HPSE2: variants seen among roughly 807,000 people sequenced by gnomAD.
HPSE2 encodes the protein inactive heparanase-2.
A neutral mutation model predicts 60.5 loss-of-function variants in HPSE2; 38 were observed. That is an observed-to-expected ratio of 0.63 (90% CI 0.48 to 0.82). HPSE2 has a LOEUF of 0.82. HPSE2 is among the 40% of genes least tolerant of loss of function. The probability of loss-of-function intolerance (pLI) is 0.00; values close to 1 mark genes in which losing one functional copy is unlikely to be tolerated. For missense variants in HPSE2, 713 were observed against 740.4 expected, an observed-to-expected ratio of 0.96 and a Z score of 0.43; for synonymous variants, 295 against 293.2, an observed-to-expected ratio of 1.01 and a Z score of -0.06.
At chr10:98,683,171 G>A (rs1947827950) in intron 6 of HPSE2, among the ~76,000 whole-genome samples, 2 of 152,130 alleles carry the variant, frequency 1.3e-5, no homozygotes, top group South Asian at 4.1e-4. Flanking sequence ...ACTGTTACTA[G>A]TTAAAAAGAA....
intron 3 of HPSE2, among the ~76,000 whole-genome samples, chr10:99,045,074 T>C (rs186966997): frequency 4.4e-4 from 67 of 152,294 alleles, no homozygotes; most frequent in African/African-American, 1.6e-3. Context: ...TCTTCCCATA[T>C]GCACACAGAA....
At chr10:98,906,357 T>C (rs1161071633) in intron 3 of HPSE2, among the ~76,000 whole-genome samples, 3 of 152,176 alleles carry the variant, frequency 2.0e-5, no homozygotes, top group African/African-American at 7.2e-5. Context: ...GAAACCATGA[T>C]ATTAGGAACA....
At position 98,935,683 on chromosome 10, in the gene HPSE2, C is replaced by A. The variant is rs956374507; in HGVS notation, c.611-191627G>T. On this transcript the variant is annotated intron_variant, in intron 3 of 11. Coordinates refer to ENST00000370552, the MANE Select transcript of HPSE2 (RefSeq NM_021828.5). Reference sequence around the variant, plus strand: ...AAGCTTCATCCCAGAGGGGCACTGACCTGATGCCAGCTGGAGCTCTCCTAT... The same window carrying A: ...AAGCTTCATCCCAGAGGGGCACTGAACTGATGCCAGCTGGAGCTCTCCTAT... Among the ~76,000 whole-genome samples, 29 of 143,892 alleles carry A rather than the reference C, an allele frequency of 2.0e-4. 2 individuals are homozygous for A. The highest frequency in any genetic ancestry group is 4.2e-4 in the Non-Finnish European group (28 of 67,034). 94.4% of individuals were successfully genotyped at this position (143,892 alleles called of 152,430 possible). A position where few individuals can be genotyped will look rare whatever the true frequency, so the allele number is the denominator to read the frequency against.
chr10:98,623,902 G>C (rs1946137328), intron 7 of HPSE2, among the ~76,000 whole-genome samples: 1 of 152,108 alleles, frequency 6.6e-6, no homozygotes, highest in South Asian at 2.1e-4. Context: ...ATCTGGGCTG[G>C]AGGAAAACGC....
At chr10:98,922,409 G>A (rs1353297223) in intron 3 of HPSE2, among the ~76,000 whole-genome samples, 1 of 152,066 alleles carries the variant, frequency 6.6e-6, no homozygotes, top group Admixed American at 6.6e-5. Flanking sequence ...TTCTGTCCTG[G>A]GGTAGCTTGC....
At chr10:98,565,764 T>C (rs1260505318) in intron 9 of HPSE2, among the ~76,000 whole-genome samples, 1 of 152,204 alleles carries the variant, frequency 6.6e-6, no homozygotes, top group East Asian at 1.9e-4. Flanking sequence ...TTGTCCTTGA[T>C]GATGATACTT....
chr10:99,012,065 G>T (rs1957030528), intron 3 of HPSE2, among the ~76,000 whole-genome samples: 4 of 151,614 alleles, frequency 2.6e-5, no homozygotes. Context: ...CACTTTAACT[G>T]CTTGACATAT....
At chr10:98,713,008 C>A (rs556537305) in intron 5 of HPSE2, among the ~76,000 whole-genome samples, 1 of 152,068 alleles carries the variant, frequency 6.6e-6, no homozygotes, top group South Asian at 2.1e-4. Flanking sequence ...CTATCTATAG[C>A]CTGTTAGTTT....
chr10:98,910,750 G>A (rs1270093217), intron 3 of HPSE2, among the ~76,000 whole-genome samples: 1 of 152,140 alleles, frequency 6.6e-6, no homozygotes, highest in Non-Finnish European at 1.5e-5. Flanking sequence ...TAGAGATCTT[G>A]AACTCATGTC....
At chr10:98,605,730 A>G (rs1352135011) in intron 9 of HPSE2, among the ~76,000 whole-genome samples, 2 of 152,222 alleles carry the variant, frequency 1.3e-5, no homozygotes, top group African/African-American at 4.8e-5. Flanking sequence ...AGGATAGAGC[A>G]TCAGGTGCAG....
intron 3 of HPSE2, among the ~76,000 whole-genome samples, chr10:99,123,255 T>G (rs1845029756): frequency 6.6e-6 from 1 of 152,140 alleles, no homozygotes; most frequent in South Asian, 2.1e-4. Flanking sequence ...TACAAACTAT[T>G]AAGAAAAAGA....
chr10:99,145,351 G>T (rs561738691), intron 2 of HPSE2, among the ~76,000 whole-genome samples: 1 of 141,562 alleles, frequency 7.1e-6, no homozygotes, highest in South Asian at 2.5e-4. Flanking sequence ...CAGCTATTTG[G>T]GAGGCTGAGG....
chr10:99,313,549 C>T, the HPSE2 span, among the ~76,000 whole-genome samples: 6 of 146,220 alleles, frequency 4.1e-5, no homozygotes, highest in Non-Finnish European at 9.0e-5. Flanking sequence ...ATTCCATAAA[C>T]TTAGTTATAA....
intron 2 of HPSE2, among the ~76,000 whole-genome samples, chr10:99,215,026 G>A (rs1849073041): frequency 6.6e-6 from 1 of 152,102 alleles, no homozygotes; most frequent in Non-Finnish European, 1.5e-5. Flanking sequence ...GGAAGACAGT[G>A]CACCAATTCC....
intron 9 of HPSE2, among the ~76,000 whole-genome samples, chr10:98,493,053 T>G (rs997191549): frequency 2.2e-4 from 34 of 152,238 alleles, no homozygotes; most frequent in Non-Finnish European, 4.9e-4. Flanking sequence ...GTATCTCATA[T>G]AAATGAACTC....
In HPSE2 at chr10:98,939,992, C is replaced by T. The variant is rs370053589; in HGVS notation, c.611-195936G>A. ...TGCTCCTGAATGACTACTGGGTACACAACGAAATGAAGGCAGAAATAAAGA... is the reference window on the plus strand; with the variant it reads ...TGCTCCTGAATGACTACTGGGTACATAACGAAATGAAGGCAGAAATAAAGA... On this transcript the variant is annotated intron_variant, in intron 3 of 11. Transcript: ENST00000370552. 1.1e-4 allele frequency among the ~76,000 whole-genome samples: 16 copies of T among 143,440 alleles called. 2 individuals are homozygous for T. Among genetic ancestry groups the T allele is most frequent in the East Asian group, 4.0e-4 (2 of 5,052 alleles). 94.1% of individuals were successfully genotyped at this position (143,440 alleles called of 152,430 possible). A position where few individuals can be genotyped will look rare whatever the true frequency, so the allele number is the denominator to read the frequency against.
chr10:98,816,435 T>C (rs1951291919), intron 3 of HPSE2, among the ~76,000 whole-genome samples: 1 of 152,178 alleles, frequency 6.6e-6, no homozygotes, highest in South Asian at 2.1e-4. Context: ...AAGTATTTTA[T>C]GGCCCTTGTG....
rs778454594 is a variant in HPSE2, at chr10:98,780,055, G to A, written c.611-35999C>T. Among the ~76,000 whole-genome samples, 33 of 152,124 alleles carry A rather than the reference G, an allele frequency of 2.2e-4. 1 individual carries two copies. The East Asian group carries it at 6.4e-3, about 29-fold the overall frequency. On this transcript the variant is annotated intron_variant, in intron 3 of 11. Coordinates refer to ENST00000370552, the MANE Select transcript of HPSE2 (RefSeq NM_021828.5). ...TTTAAAAATTCCATGAACTAAAATT[G>A]TTTTCTCTATGACAATAAAATGGAG...
intron 3 of HPSE2, among the ~76,000 whole-genome samples, chr10:98,790,468 G>A (rs1589828963): frequency 6.6e-6 from 1 of 152,136 alleles, no homozygotes; most frequent in Non-Finnish European, 1.5e-5. Context: ...TTAGAAAGGA[G>A]GTTACCAGAG....
Sources: allele counts gnomAD v4.1 joint callset (sites outside exome capture counted in the v4.1 genomes callset), GRCh38; gene constraint gnomAD v4.1.1; transcripts MANE v1.5; gene names NCBI Gene and HGNC (gene_info 2026-07-23, HGNC 2026-07-21).